KHDRBS2: variants seen among roughly 807,000 people sequenced by gnomAD.
KHDRBS2 encodes the protein KH domain-containing, RNA-binding, signal transduction-associated protein 2.
A neutral mutation model predicts 44.3 loss-of-function variants in KHDRBS2; 26 were observed. The observed-to-expected ratio is 0.59, with a 90% confidence interval of 0.43 to 0.81. The LOEUF is 0.81. KHDRBS2 is among the 40% of genes least tolerant of loss of function. The pLI is 0.00. For synonymous variants in KHDRBS2, 194 were observed against 151.1 expected (o/e 1.28, Z -2.08); for missense variants, 476 against 433.1 (o/e 1.10, Z -0.88).
chr6:62,275,929 T>C (rs1419622840), intron 1 of KHDRBS2, among the ~76,000 whole-genome samples: 2 of 152,190 alleles, frequency 1.3e-5, no homozygotes, highest in African/African-American at 4.8e-5. Flanking sequence ...CCACTGTATA[T>C]GTTCAAAAAA....
chr6:62,122,553 C>T (rs1032057906), intron 2 of KHDRBS2, among the ~76,000 whole-genome samples: 1 of 152,150 alleles, frequency 6.6e-6, no homozygotes, highest in South Asian at 2.1e-4. Flanking sequence ...GGTTCAAATG[C>T]CCATGGTCCC....
intron 4 of KHDRBS2, among the ~76,000 whole-genome samples, chr6:61,917,960 G>T (rs1216356996): frequency 1.3e-5 from 2 of 151,966 alleles, no homozygotes; most frequent in Admixed American, 1.3e-4. Flanking sequence ...GGGATAGGAA[G>T]ATATTGAAGG....
At chr6:62,142,968 G>T (rs1813171830) in intron 2 of KHDRBS2, among the ~76,000 whole-genome samples, 1 of 148,896 alleles carries the variant, frequency 6.7e-6, no homozygotes, top group Non-Finnish European at 1.5e-5. Context: ...CCATAACAAA[G>T]ATATCATATA....
intron 6 of KHDRBS2, among the ~76,000 whole-genome samples, chr6:61,786,647 G>A (rs1291046237): frequency 6.6e-6 from 1 of 151,928 alleles, no homozygotes; most frequent in Non-Finnish European, 1.5e-5. Flanking sequence ...GTGGGATCAG[G>A]CAGATTTTAC....
At chr6:61,706,199 T>C (rs567679748) in intron 7 of KHDRBS2, among the ~76,000 whole-genome samples, 1 of 151,916 alleles carries the variant, frequency 6.6e-6, no homozygotes, top group African/African-American at 2.4e-5. Context: ...TTCACTACGC[T>C]TTCTACTTCG....
chr6:61,873,505 T>C (rs1798958611), intron 6 of KHDRBS2, among the ~76,000 whole-genome samples: 1 of 151,948 alleles, frequency 6.6e-6, no homozygotes, highest in Admixed American at 6.6e-5. Flanking sequence ...AGTAATAACA[T>C]ACTAGGTAAT....
intron 8 of KHDRBS2, among the ~76,000 whole-genome samples, chr6:61,689,978 C>A (rs1194340891): frequency 2.0e-5 from 3 of 151,932 alleles, no homozygotes; most frequent in Non-Finnish European, 4.4e-5. Context: ...CTGTTTTAGT[C>A]CAGAGCATTT....
chr6:61,848,203 T>A (rs908951481), intron 6 of KHDRBS2, among the ~76,000 whole-genome samples: 16 of 151,860 alleles, frequency 1.1e-4, no homozygotes, highest in Non-Finnish European at 1.9e-4. Flanking sequence ...CAGGAAACTG[T>A]CTTTTCAACA....
intron 3 of KHDRBS2, among the ~76,000 whole-genome samples, chr6:61,995,138 T>A (rs919290453): frequency 3.3e-5 from 5 of 152,124 alleles, no homozygotes; most frequent in Admixed American, 6.6e-5. Context: ...CTATATTATG[T>A]ATAATATATA....
intron 4 of KHDRBS2, among the ~76,000 whole-genome samples, chr6:61,975,973 C>A (rs1391401235): frequency 3.3e-5 from 5 of 152,034 alleles, no homozygotes; most frequent in African/African-American, 1.2e-4. Context: ...AGCAGTGAGC[C>A]TGGACTGTTG....
chr6:61,884,891 T>A (rs911308427), intron 6 of KHDRBS2, among the ~76,000 whole-genome samples: 2 of 152,104 alleles, frequency 1.3e-5, no homozygotes, highest in Non-Finnish European at 1.5e-5. Context: ...TTGCCATTAT[T>A]TTCCTCTTCA....
chr6:61,778,664 C>T (rs188390649), intron 6 of KHDRBS2, among the ~76,000 whole-genome samples: 11 of 152,236 alleles, frequency 7.2e-5, no homozygotes, highest in Admixed American at 2.0e-4. Context: ...ATAGTGCCAC[C>T]GTGCCGCAAG....
At chr6:61,991,902 G>T (rs1562597308) in intron 3 of KHDRBS2, among the ~76,000 whole-genome samples, 2 of 152,072 alleles carry the variant, frequency 1.3e-5, no homozygotes, top group Admixed American at 6.5e-5. Context: ...GGAAGGCAAT[G>T]GTTGCAGACT....
intron 6 of KHDRBS2, among the ~76,000 whole-genome samples, chr6:61,810,608 T>C (rs1185014134): frequency 6.6e-6 from 1 of 152,054 alleles, no homozygotes; most frequent in Non-Finnish European, 1.5e-5. Flanking sequence ...ATACTAATAC[T>C]GCCATACATA....
intron 5 of KHDRBS2, among the ~76,000 whole-genome samples, chr6:61,897,715 C>CTG (rs559537813): frequency 0.011 from 1,319 of 125,356 alleles, 9 homozygotes; most frequent in Middle Eastern, 0.023. Flanking sequence ...GTCTCTGTCT[C>CTG]TCTCTCTCTC....
chr6:61,919,315 A>G (rs1807600224), intron 4 of KHDRBS2, among the ~76,000 whole-genome samples: 1 of 151,980 alleles, frequency 6.6e-6, no homozygotes, highest in Non-Finnish European at 1.5e-5. Flanking sequence ...AGAATCCAAA[A>G]AAGGGTTAGC....
chr6:61,982,453 C>G (rs1338810753), intron 3 of KHDRBS2, among the ~76,000 whole-genome samples: 1 of 151,956 alleles, frequency 6.6e-6, no homozygotes, highest in Non-Finnish European at 1.5e-5. Context: ...GGGCGGATCA[C>G]GAGGTCAGGA....
At chr6:61,911,887 G>GA (rs111830612) in intron 4 of KHDRBS2, among the ~76,000 whole-genome samples, 3,411 of 143,910 alleles carry the variant, frequency 0.024, 121 homozygotes, top group African/African-American at 0.074. Flanking sequence ...ATTCAATATT[G>GA]AAAAAAAAAA....
intron 4 of KHDRBS2, among the ~76,000 whole-genome samples, chr6:61,932,102 T>G (rs1417399722): frequency 3.9e-5 from 6 of 152,206 alleles, no homozygotes; most frequent in African/African-American, 1.4e-4. Flanking sequence ...TTCCAGCTAA[T>G]AGTAGGCTAT....
Sources: gnomAD v4.1 joint callset for allele counts (sites outside exome capture counted in the v4.1 genomes callset) on GRCh38, gnomAD v4.1.1 for gene constraint, MANE v1.5 for transcripts, NCBI Gene and HGNC (gene_info 2026-07-23, HGNC 2026-07-21) for gene names.